MDGA2: variants seen among roughly 807,000 people sequenced by gnomAD.
MDGA2 encodes the protein MAM domain containing glycosylphosphatidylinositol anchor 2.
MDGA2 carries 40 observed loss-of-function variants against 117.8 expected under a neutral mutation model. That is an observed-to-expected ratio of 0.34 (90% CI 0.26 to 0.44). MDGA2 has a LOEUF of 0.44. MDGA2 is among the 20% of genes least tolerant of loss of function. MDGA2 has a pLI of 1.00. For synonymous variants in MDGA2, 452 were observed against 439.0 expected (o/e 1.03, Z -0.37); for missense variants, 1,123 against 1,250.6 (o/e 0.90, Z 1.54).
chr14:47,336,293 C>T (rs1476999620), intron 1 of MDGA2, among the ~76,000 whole-genome samples: 3 of 151,634 alleles, frequency 2.0e-5, no homozygotes, highest in East Asian at 1.9e-4. Flanking sequence ...AGCAGGGCAG[C>T]GGGGAGACTC....
At chr14:46,993,814 T>A (rs950069767) in intron 8 of MDGA2, among the ~76,000 whole-genome samples, 1 of 152,156 alleles carries the variant, frequency 6.6e-6, no homozygotes, top group African/African-American at 2.4e-5. Flanking sequence ...TTATTTAATC[T>A]TTCTGCTTTA....
intron 2 of MDGA2, among the ~76,000 whole-genome samples, chr14:47,273,497 T>C (rs1365101714): frequency 1.3e-5 from 2 of 152,244 alleles, no homozygotes; most frequent in East Asian, 3.9e-4. Context: ...AAGATCCTTA[T>C]AACAAGAAGA....
intron 1 of MDGA2, among the ~76,000 whole-genome samples, chr14:47,624,608 A>G (rs1316639913): frequency 6.6e-6 from 1 of 152,234 alleles, no homozygotes; most frequent in Non-Finnish European, 1.5e-5. Flanking sequence ...GAATATTCTT[A>G]TATCTAATCA....
At chr14:47,411,922 T>A (rs1892381341) in intron 1 of MDGA2, among the ~76,000 whole-genome samples, 1 of 152,166 alleles carries the variant, frequency 6.6e-6, no homozygotes, top group South Asian at 2.1e-4. Flanking sequence ...TATTAACAAT[T>A]CACAAAGACA....
intron 10 of MDGA2, among the ~76,000 whole-genome samples, chr14:46,905,797 A>AAAACG (rs1266565062): frequency 1.3e-5 from 2 of 152,090 alleles, no homozygotes; most frequent in East Asian, 3.9e-4. Flanking sequence ...GAAACAAAAC[A>AAAACG]AAACAAAAAA....
chr14:47,561,067 T>C (rs1228037995), intron 1 of MDGA2, among the ~76,000 whole-genome samples: 1 of 151,974 alleles, frequency 6.6e-6, no homozygotes, highest in Non-Finnish European at 1.5e-5. Flanking sequence ...TGATTCTGTA[T>C]TGTGCCACGC....
chr14:47,172,782 G>A (rs1326425860), intron 3 of MDGA2, among the ~76,000 whole-genome samples: 2 of 152,196 alleles, frequency 1.3e-5, no homozygotes, highest in South Asian at 2.1e-4. Flanking sequence ...ACTAGCAACG[G>A]AACAAAGCTG....
chr14:47,192,801 T>G (rs1431376747), intron 3 of MDGA2, among the ~76,000 whole-genome samples: 1 of 152,206 alleles, frequency 6.6e-6, no homozygotes, highest in Non-Finnish European at 1.5e-5. Context: ...CTCCTAAATG[T>G]GTTAGCTAAA....
intron 1 of MDGA2, among the ~76,000 whole-genome samples, chr14:47,658,854 A>C (rs934754015): frequency 5.3e-5 from 8 of 152,128 alleles, no homozygotes; most frequent in African/African-American, 1.9e-4. Context: ...TATTTGGAAT[A>C]TCTCTGAAGG....
intron 3 of MDGA2, among the ~76,000 whole-genome samples, chr14:47,157,914 A>G (rs1883464736): frequency 6.6e-6 from 1 of 152,064 alleles, no homozygotes; most frequent in African/African-American, 2.4e-5. Context: ...CCAGCCATGC[A>G]GAACTGTGAG....
chr14:47,456,855 G>A (rs1893365678), intron 1 of MDGA2, among the ~76,000 whole-genome samples: 2 of 151,946 alleles, frequency 1.3e-5, no homozygotes, highest in Non-Finnish European at 2.9e-5. Flanking sequence ...AGTAGCACTA[G>A]GTCTTACTGA....
Position 46,884,915 on chromosome 14 carries a change from C to T in MDGA2, c.2239-2694G>A, listed in dbSNP as rs1345797725. On this transcript the variant is annotated intron_variant, in intron 10 of 16. Coordinates refer to ENST00000399232, the MANE Select transcript of MDGA2 (RefSeq NM_001113498.3). The surrounding 1 kb of genome is among the most constrained non-coding windows in gnomAD (Gnocchi z 4.1). ...AGGCTGGAGTACAATGATGCTATCT[C>T]GGCTCACTGCAACCTCCGCCTCCAG... 3.3e-5 allele frequency among the ~76,000 whole-genome samples: 5 copies of T among 151,572 alleles called. No homozygotes were observed. The highest frequency in any genetic ancestry group is 3.9e-4 in the East Asian group (2 of 5,154).
intron 8 of MDGA2, among the ~76,000 whole-genome samples, chr14:46,960,986 T>C (rs1364591893): frequency 6.7e-6 from 1 of 150,288 alleles, no homozygotes; most frequent in Non-Finnish European, 1.5e-5. Flanking sequence ...CATTAAAAGG[T>C]ATTTTCCTTG....
chr14:47,312,204 T>C (rs1889657283), intron 1 of MDGA2, among the ~76,000 whole-genome samples: 1 of 152,150 alleles, frequency 6.6e-6, no homozygotes, highest in Non-Finnish European at 1.5e-5. Context: ...TATTTGAGGA[T>C]GGAGTTCTGA....
chr14:47,285,073 G>T (rs1185329287), intron 2 of MDGA2, among the ~76,000 whole-genome samples: 3 of 152,026 alleles, frequency 2.0e-5, no homozygotes, highest in Non-Finnish European at 4.4e-5. Context: ...TCTCCAGAGA[G>T]GGGATCCAAA....
intron 1 of MDGA2, among the ~76,000 whole-genome samples, chr14:47,525,859 AT>A (rs1175079154): frequency 4.0e-5 from 6 of 151,570 alleles, no homozygotes; most frequent in African/African-American, 1.2e-4. Flanking sequence ...TTCAGTTTAA[AT>A]TTTTTATTGA....
intron 1 of MDGA2, among the ~76,000 whole-genome samples, chr14:47,536,533 G>A (rs541237708): frequency 1.1e-4 from 17 of 152,202 alleles, no homozygotes; most frequent in Non-Finnish European, 1.9e-4. Flanking sequence ...CTATTGACTT[G>A]TTAATCACAC....
chr14:47,471,252 G>GTTT (rs35098377), intron 1 of MDGA2, among the ~76,000 whole-genome samples: 4 of 147,818 alleles, frequency 2.7e-5, no homozygotes, highest in Non-Finnish European at 3.0e-5. Context: ...TATTAATGGA[G>GTTT]TTTTTTTTTT....
chr14:47,366,956 A>G (rs929329385), intron 1 of MDGA2, among the ~76,000 whole-genome samples: 1 of 150,056 alleles, frequency 6.7e-6, no homozygotes, highest in African/African-American at 2.5e-5. Flanking sequence ...TTTGTATGTG[A>G]AAATAAAAAG....
Sources: allele counts gnomAD v4.1 joint callset (sites outside exome capture counted in the v4.1 genomes callset), GRCh38; gene constraint gnomAD v4.1.1; non-coding constraint Gnocchi (gnomAD v3.1); transcripts MANE v1.5; gene names NCBI Gene and HGNC (gene_info 2026-07-23, HGNC 2026-07-21).